Variants in MRPL1 observed in about 807,000 individuals in gnomAD.
MRPL1 encodes large ribosomal subunit protein uL1m.
A neutral mutation model predicts 38.0 loss-of-function variants in MRPL1; 28 were observed. The observed-to-expected ratio is 0.74, with a 90% CI of 0.55 to 1.01. MRPL1 has a LOEUF of 1.01. MRPL1 is among the 50% of genes least tolerant of loss of function. The pLI is 0.00. For missense variants in MRPL1, 358 were observed against 389.8 expected, an observed-to-expected ratio of 0.92 and a Z score of 0.69; for synonymous variants, 123 against 126.7, an observed-to-expected ratio of 0.97 and a Z score of 0.20.
intron 7 of MRPL1, among the ~76,000 whole-genome samples, chr4:77,945,259 A>C (rs928330587): frequency 1.4e-4 from 21 of 151,584 alleles, no homozygotes; most frequent in African/African-American, 5.1e-4. Flanking sequence ...GGAAATTAAG[A>C]GTTTTGGCTC....
intron 7 of MRPL1, among the ~76,000 whole-genome samples, chr4:77,915,479 A>G (rs974753993): frequency 6.6e-6 from 1 of 152,150 alleles, no homozygotes; most frequent in African/African-American, 2.4e-5. Flanking sequence ...GCTGGAGTAC[A>G]GTGGCTTGAT....
At chr4:77,928,748 A>G (rs552862635) in intron 7 of MRPL1, among the ~76,000 whole-genome samples, 3 of 152,142 alleles carry the variant, frequency 2.0e-5, no homozygotes, top group Non-Finnish European at 2.9e-5. Context: ...TCATCCTTGC[A>G]GTATTTTATG....
At chr4:77,897,053 A>G (rs1212037252) in intron 6 of MRPL1, among the ~76,000 whole-genome samples, 1 of 151,772 alleles carries the variant, frequency 6.6e-6, no homozygotes, top group African/African-American at 2.4e-5. Context: ...GAAACTAAAA[A>G]CACTAGCGTG....
rs1404970486 is a variant in MRPL1, at chr4:77,883,251, G to T, written c.153G>T (p.Lys51Asn). Residue 51 changes from lysine (K) to asparagine (N), a missense_variant, in exon 3 of 9, where the codon AAG becomes AAT. Lys to Asn is a moderately conservative substitution (Grantham distance 94, BLOSUM62 0). Coordinates refer to ENST00000315567, the MANE Select transcript of MRPL1 (RefSeq NM_020236.4). ...TTTATTTTCTTTTAAGGTCTGCAAA[G>T]AAAACAAAAAAAGGTGCTAAAGAAA... ...RHFAAATKSA[K>N]KTKKGAKEKT... The T allele has an allele frequency of 6.4e-7, 1 of 1,553,514 alleles. No individual in the cohort carries two copies. The highest frequency in any genetic ancestry group is 2.3e-5 in the East Asian group (1 of 43,920).
intron 7 of MRPL1, 84 bp downstream of exon 7, chr4:77,909,456 C>A: frequency 2.3e-6 from 2 of 867,812 alleles, no homozygotes; most frequent in South Asian, 1.7e-5. Context: ...TATAAAATGC[C>A]AGTCATTTGA....
chr4:77,905,727 G>C lies in MRPL1; in HGVS notation c.671-3539G>C, dbSNP rs993329390. Reference sequence around the variant, plus strand: ...CTAGTTCCTTTTTTCTAACTATACAGATATATACATTTTTTGATATTCCAT... The same window carrying C: ...CTAGTTCCTTTTTTCTAACTATACACATATATACATTTTTTGATATTCCAT... On this transcript the variant is annotated intron_variant, in intron 6 of 8. Transcript: ENST00000315567. Among the ~76,000 whole-genome samples, 4 of 151,996 alleles carry C rather than the reference G, an allele frequency of 2.6e-5. No individual in the cohort carries two copies. The South Asian group carries it at 8.3e-4, about 31-fold the overall frequency.
chr4:77,928,074 A>G (rs918132457), intron 7 of MRPL1, among the ~76,000 whole-genome samples: 1 of 152,206 alleles, frequency 6.6e-6, no homozygotes, highest in Admixed American at 6.5e-5. Flanking sequence ...ATAGGTGAGT[A>G]TCATTTTGTG....
chr4:77,946,247 A>G (rs962953230), intron 7 of MRPL1, among the ~76,000 whole-genome samples: 5 of 152,194 alleles, frequency 3.3e-5, no homozygotes, highest in African/African-American at 9.6e-5. Context: ...CTGCAAGAAG[A>G]AAAATATGGC....
At chr4:77,873,528 A>G (rs759660710) in intron 2 of MRPL1, among the ~76,000 whole-genome samples, 1 of 152,260 alleles carries the variant, frequency 6.6e-6, no homozygotes, top group Non-Finnish European at 1.5e-5. Context: ...ACTAAAGGGT[A>G]GAAAGTTTTT....
At chr4:77,935,258 T>G (rs1433361139) in intron 7 of MRPL1, among the ~76,000 whole-genome samples, 1 of 152,154 alleles carries the variant, frequency 6.6e-6, no homozygotes, top group African/African-American at 2.4e-5. Flanking sequence ...AAAATGTTAA[T>G]TTTACTATCT....
intron 6 of MRPL1, among the ~76,000 whole-genome samples, chr4:77,900,914 G>C (rs1736020444): frequency 6.6e-6 from 1 of 152,082 alleles, no homozygotes. Flanking sequence ...GAGTCTGGTA[G>C]TGGCAGTGAA....
chr4:77,947,011 CAAA>C (rs35260448), intron 7 of MRPL1, among the ~76,000 whole-genome samples: 7 of 127,514 alleles, frequency 5.5e-5, no homozygotes, highest in Admixed American at 7.5e-5. Flanking sequence ...CTCAATGGGA[CAAA>C]AAAAAAAAAA....
chr4:77,951,357 CAATAA>C (rs1380704649), intron 8 of MRPL1, among the ~76,000 whole-genome samples: 1 of 152,062 alleles, frequency 6.6e-6, no homozygotes, highest in African/African-American at 2.4e-5. Context: ...GTTGCCTTTG[CAATAA>C]AATAAATTCT....
At chr4:77,940,356 T>C (rs970538580) in intron 7 of MRPL1, among the ~76,000 whole-genome samples, 10 of 152,218 alleles carry the variant, frequency 6.6e-5, no homozygotes, top group Non-Finnish European at 1.5e-4. Flanking sequence ...TGGTTGCTGT[T>C]GGTGTATAGC....
intron 7 of MRPL1, among the ~76,000 whole-genome samples, chr4:77,942,561 A>C (rs1000480944): frequency 6.6e-6 from 1 of 152,122 alleles, no homozygotes; most frequent in African/African-American, 2.4e-5. Flanking sequence ...TAATGCATAT[A>C]TATTTAGGAT....
At chr4:77,903,609 T>C (rs1420593578) in intron 6 of MRPL1, among the ~76,000 whole-genome samples, 1 of 152,220 alleles carries the variant, frequency 6.6e-6, no homozygotes, top group Non-Finnish European at 1.5e-5. Flanking sequence ...ACAAGGTCCA[T>C]GCATGAAAAT....
At chr4:77,923,221 G>C (rs1426199098) in intron 7 of MRPL1, among the ~76,000 whole-genome samples, 1 of 151,776 alleles carries the variant, frequency 6.6e-6, no homozygotes, top group African/African-American at 2.4e-5. Flanking sequence ...TCAGCCTCCT[G>C]GGTAGCTGGG....
intron 1 of MRPL1, 55 bp from the exon 2 acceptor site, chr4:77,871,689 A>G: frequency 1.2e-6 from 1 of 820,190 alleles, no homozygotes; most frequent in African/African-American, 1.8e-5. Flanking sequence ...AAATTAAAAA[A>G]TTATGAATAT....
intron 7 of MRPL1, among the ~76,000 whole-genome samples, chr4:77,919,077 A>G (rs1736503260): frequency 1.3e-5 from 2 of 152,228 alleles, no homozygotes; most frequent in Admixed American, 1.3e-4. Flanking sequence ...AGGCAGGTGT[A>G]TAGTTTGATG....
Sources: allele counts gnomAD v4.1 joint callset (sites outside exome capture counted in the v4.1 genomes callset), GRCh38; gene constraint gnomAD v4.1.1; transcripts MANE v1.5; gene names NCBI Gene and HGNC (gene_info 2026-07-23, HGNC 2026-07-21).